Variants in WWOX observed in about 807,000 individuals in gnomAD.
WWOX encodes the protein WW domain containing oxidoreductase.
In WWOX, 69 loss-of-function variants were observed where a neutral mutation model predicts 46.2. The ratio of observed to expected loss-of-function variants is 1.49; its 90% CI spans 1.23 to 1.82. WWOX has a LOEUF of 1.82. Among genes scored for constraint, WWOX ranks in the 40% most tolerant of loss-of-function variants. The pLI, the probability that WWOX is intolerant of heterozygous loss-of-function variation, is 0.00. For missense variants in WWOX, 919 were observed against 542.6 expected, an observed-to-expected ratio of 1.69 and a Z score of -6.89; for synonymous variants, 359 against 202.6, an observed-to-expected ratio of 1.77 and a Z score of -6.56.
chr16:78,823,208 C>T lies in WWOX; in HGVS notation c.1057-388400C>T, dbSNP rs143298312. On this transcript the variant is annotated intron_variant, in intron 8 of 8. Transcript: ENST00000566780. ...CTAATGGTGGAAACGGTCACAGGGTCAGGCCTTGGATGGTGCTGTATAGAA... is the reference window on the plus strand; with the variant it reads ...CTAATGGTGGAAACGGTCACAGGGTTAGGCCTTGGATGGTGCTGTATAGAA... Among the ~76,000 whole-genome samples, 717 of 152,304 alleles carry T rather than the reference C, an allele frequency of 4.7e-3. 3 individuals carry two copies. Among genetic ancestry groups the T allele is most frequent in the Non-Finnish European group, 7.8e-3 (531 of 68,016 alleles).
chr16:79,130,707 G>A (rs897056188), intron 8 of WWOX, among the ~76,000 whole-genome samples: 5 of 152,238 alleles, frequency 3.3e-5, no homozygotes, highest in Admixed American at 1.3e-4. Context: ...ATGAAGTGCT[G>A]CGGTACTGGC....
At chr16:78,467,315 C>A (rs1398759687) in intron 8 of WWOX, among the ~76,000 whole-genome samples, 1 of 151,890 alleles carries the variant, frequency 6.6e-6, no homozygotes, top group Non-Finnish European at 1.5e-5. Context: ...TACACACAGT[C>A]TATATATACA....
chr16:78,483,737 C>T (rs776895950), intron 8 of WWOX, among the ~76,000 whole-genome samples: 42 of 151,986 alleles, frequency 2.8e-4, no homozygotes, highest in African/African-American at 5.1e-4. Context: ...AATGCAGCAT[C>T]GCTTGAAGCT....
chr16:78,554,536 G>C (rs1034411958), intron 8 of WWOX, among the ~76,000 whole-genome samples: 1 of 152,082 alleles, frequency 6.6e-6, no homozygotes, highest in African/African-American at 2.4e-5. Flanking sequence ...TATAGGTAAA[G>C]ACCTTGATAT....
intron 8 of WWOX, among the ~76,000 whole-genome samples, chr16:79,157,421 C>G (rs62040669): frequency 7.2e-6 from 1 of 139,856 alleles, no homozygotes; most frequent in Non-Finnish European, 1.5e-5. Context: ...TATACAATGG[C>G]CAAAAAAAAA....
At chr16:79,008,336 G>T (rs75839655) in intron 8 of WWOX, among the ~76,000 whole-genome samples, 7,104 of 152,260 alleles carry the variant, frequency 0.047, 529 homozygotes, top group African/African-American at 0.16. Context: ...CTAGCGATTA[G>T]ATCAGTCCCA....
chr16:78,810,481 G>A (rs2051159484), intron 8 of WWOX, among the ~76,000 whole-genome samples: 2 of 152,174 alleles, frequency 1.3e-5, no homozygotes, highest in South Asian at 4.1e-4. Context: ...AGTATTATGG[G>A]AACCCCCTGT....
intron 8 of WWOX, among the ~76,000 whole-genome samples, chr16:78,790,653 C>CA (rs773057648): frequency 7.2e-5 from 11 of 152,126 alleles, no homozygotes; most frequent in Non-Finnish European, 1.6e-4. Flanking sequence ...ATGCCTTGGA[C>CA]ATGAAACACA....
At chr16:78,598,722 C>G (rs2045551244) in intron 8 of WWOX, among the ~76,000 whole-genome samples, 1 of 152,176 alleles carries the variant, frequency 6.6e-6, no homozygotes, top group African/African-American at 2.4e-5. Flanking sequence ...GTTAATATGC[C>G]AGTGACTACA....
At chr16:78,981,333 A>G (rs546545025) in intron 8 of WWOX, among the ~76,000 whole-genome samples, 58 of 151,910 alleles carry the variant, frequency 3.8e-4, no homozygotes, top group African/African-American at 9.9e-4. Flanking sequence ...GTGGGGGGGG[A>G]AAACGCCAGC....
intron 5 of WWOX, among the ~76,000 whole-genome samples, chr16:78,354,343 A>T (rs906492857): frequency 7.0e-5 from 8 of 114,432 alleles, no homozygotes; most frequent in African/African-American, 2.8e-4. Context: ...GTGTGTAGGT[A>T]TGTGACTGAA....
intron 8 of WWOX, among the ~76,000 whole-genome samples, chr16:79,095,808 C>T (rs1039230499): frequency 6.6e-6 from 1 of 151,670 alleles, no homozygotes; most frequent in African/African-American, 2.4e-5. Flanking sequence ...TTGCATACTC[C>T]TCCAGGTTGC....
intron 8 of WWOX, among the ~76,000 whole-genome samples, chr16:78,647,071 C>A (rs551239416): frequency 6.6e-6 from 1 of 152,168 alleles, no homozygotes; most frequent in Non-Finnish European, 1.5e-5. Context: ...CAGCAACTTC[C>A]TTCCCCGATG....
chr16:79,119,524 C>T (rs986030022), intron 8 of WWOX, among the ~76,000 whole-genome samples: 10 of 152,152 alleles, frequency 6.6e-5, no homozygotes, highest in East Asian at 3.9e-4. Flanking sequence ...AAATGAGTGA[C>T]GTTCATATGA....
At chr16:79,193,081 G>A (rs1674246980) in intron 8 of WWOX, among the ~76,000 whole-genome samples, 1 of 152,328 alleles carries the variant, frequency 6.6e-6, no homozygotes, top group South Asian at 2.1e-4. Context: ...TTTGACCTCT[G>A]TGATCCCAGG....
chr16:78,209,077 T>G (rs2036479852), intron 5 of WWOX, among the ~76,000 whole-genome samples: 1 of 152,234 alleles, frequency 6.6e-6, no homozygotes, highest in Non-Finnish European at 1.5e-5. Context: ...TAATGTCTAT[T>G]TCATGCTAAA....
At position 78,594,429 on chromosome 16, in the gene WWOX, G is replaced by GCCTCCC. The variant is rs1171391505; in HGVS notation, c.1056+161679_1056+161680insTCCCCC. On this transcript the variant is annotated intron_variant, in intron 8 of 8. Transcript: ENST00000566780. ...TCTTGACGAAGAAGACTGAGGAAAG[G>GCCTCCC]CCCCCCCCCCCCCCCCGCCAAATTG... 2.2e-4 allele frequency among the ~76,000 whole-genome samples: 7 copies of GCCTCCC among 32,392 alleles called. 1 individual carries two copies. The highest frequency in any genetic ancestry group is 3.7e-4 in the Non-Finnish European group (7 of 19,080). 21.3% of individuals were successfully genotyped at this position (32,392 alleles called of 152,430 possible). A position where few individuals can be genotyped will look rare whatever the true frequency, so the allele number is the denominator to read the frequency against.
At position 78,345,452 on chromosome 16, in the gene WWOX, C is replaced by A. The variant is rs576435757; in HGVS notation, c.517-41408C>A. Among the ~76,000 whole-genome samples the A allele has an allele frequency of 1.3e-4, 5 of 39,462 alleles. 1 individual carries two copies. Among genetic ancestry groups the A allele is most frequent in the Admixed American group, 1.0e-3 (3 of 2,998 alleles). 25.9% of individuals were successfully genotyped at this position (39,462 alleles called of 152,430 possible). ...CCTGAGCACCATGGCAAAACCCCAT[C>A]GCTACCAAAAAAAAAAAAAAAAAAA... On this transcript the variant is annotated intron_variant, in intron 5 of 8. Coordinates refer to ENST00000566780, the MANE Select transcript of WWOX (RefSeq NM_016373.4).
At chr16:78,360,944 C>T (rs1251494636) in intron 5 of WWOX, among the ~76,000 whole-genome samples, 1 of 152,042 alleles carries the variant, frequency 6.6e-6, no homozygotes, top group Non-Finnish European at 1.5e-5. Flanking sequence ...CCTCAGTCTC[C>T]TGAGTATCTG....
Sources: allele counts gnomAD v4.1 joint callset (sites outside exome capture counted in the v4.1 genomes callset), GRCh38; gene constraint gnomAD v4.1.1; transcripts MANE v1.5; gene names NCBI Gene and HGNC (gene_info 2026-07-23, HGNC 2026-07-21).